CNN2: variants seen among roughly 807,000 people sequenced by gnomAD.
CNN2 encodes calponin-2.
CNN2 carries 21 observed loss-of-function variants against 31.0 expected under a neutral mutation model. That is an observed-to-expected ratio of 0.68 (90% CI 0.48 to 0.98). The LOEUF (loss-of-function observed/expected upper bound fraction) is 0.98. CNN2 is among the 50% of genes least tolerant of loss of function. The probability of loss-of-function intolerance (pLI) is 0.00; values close to 1 mark genes in which losing one functional copy is unlikely to be tolerated. For synonymous variants in CNN2, 165 were observed against 179.6 expected (o/e 0.92, Z 0.65); for missense variants, 399 against 427.3 (o/e 0.93, Z 0.58).
At position 1,026,620 on chromosome 19, in the gene CNN2, TC is replaced by T. The variant is rs2039398980; in HGVS notation, c.-39del. On this transcript the variant is annotated 5_prime_UTR_variant, in exon 1 of 7. Transcript: ENST00000263097. ...GCGCCAGCCCGGCGGTCCCGTCCCG[TC>T]CCGTCCTGTGCGGCCCCGTCCCGCC... The T allele has an allele frequency of 2.7e-6, 4 of 1,490,242 alleles. No homozygotes were observed. In the African/African-American group the frequency reaches 5.8e-5, roughly 22 times the overall value. 92.3% of individuals were successfully genotyped at this position (1,490,242 alleles called of 1,614,324 possible).
At chr19:1,035,790 C>T (rs1376613332) in intron 4 of CNN2, among the ~76,000 whole-genome samples, 1 of 152,146 alleles carries the variant, frequency 6.6e-6, no homozygotes, top group Non-Finnish European at 1.5e-5. Context: ...GGCGTGGTGG[C>T]ACACGCCTGT....
rs202076665 is a variant in CNN2, at chr19:1,036,222, T to A, written c.483T>A (p.Ala161=). 6.4e-7 allele frequency: 1 copy of A among 1,567,082 alleles called. No individual in the cohort carries two copies. Among genetic ancestry groups the A allele is most frequent in the Non-Finnish European group, 8.6e-7 (1 of 1,157,124 alleles). Residue 161 remains alanine (A), a synonymous_variant, in exon 5 of 7, where the codon GCT becomes GCA. Transcript: ENST00000263097. ...ATTTCGACGATGCCACCATGAAGGC[T>A]GGCCAGTGCGTCATCGGGCTGCAGG... ...ERNFDDATMK[A]GQCVIGLQMG...
intron 1 of CNN2, among the ~76,000 whole-genome samples, chr19:1,030,411 G>A (rs1426951283): frequency 1.3e-5 from 2 of 152,138 alleles, no homozygotes; most frequent in African/African-American, 4.8e-5. Context: ...CAGATCACGA[G>A]GTCAGGAGAT....
rs762629660 is a variant in CNN2, at chr19:1,037,397, C to G, written c.655-228C>G. ...AGGTGATCCTCCCACCTCAGCCTCC[C>G]GAGTAGCTGGGATTACAGGCATGTG... On this transcript the variant is annotated intron_variant, in intron 6 of 6. Coordinates refer to ENST00000263097, the MANE Select transcript of CNN2 (RefSeq NM_004368.4). 6.8e-4 allele frequency: 366 copies of G among 536,000 alleles called. 1 individual carries two copies. Among genetic ancestry groups the G allele is most frequent in the Non-Finnish European group, 1.1e-3 (319 of 300,268 alleles). The allele number at this position is 536,000 out of a possible 1,614,324, so 33.2% of individuals were successfully genotyped here.
intron 2 of CNN2, 78 bp downstream of exon 2, chr19:1,031,270 AT>A: frequency 2.6e-6 from 3 of 1,151,272 alleles, no homozygotes; most frequent in Non-Finnish European, 3.3e-6. Flanking sequence ...TAATTAAGAA[AT>A]TTTTGGGGGG....
chr19:1,028,380 C>T (rs376098250), intron 1 of CNN2, among the ~76,000 whole-genome samples: 1 of 152,122 alleles, frequency 6.6e-6, no homozygotes, highest in Non-Finnish European at 1.5e-5. Flanking sequence ...GGCGAGGCGT[C>T]GGCCAGCTTG....
chr19:1,038,257 C>T lies in CNN2; in HGVS notation c.*357C>T. Reference sequence around the variant, plus strand: ...CCTCTTCCCCCTTTTGTCAGCTGAGCAGTTTGTGGTTTCTATGCCCGCAAG... The same window carrying T: ...CCTCTTCCCCCTTTTGTCAGCTGAGTAGTTTGTGGTTTCTATGCCCGCAAG... On this transcript the variant is annotated 3_prime_UTR_variant, in exon 7 of 7. Transcript: ENST00000263097. 4.1e-6 allele frequency: 1 copy of T among 241,726 alleles called. No individual in the cohort carries two copies. The allele number at this position is 241,726 out of a possible 1,614,324, so 15.0% of individuals were successfully genotyped here. A position where few individuals can be genotyped will look rare whatever the true frequency, so the allele number is the denominator to read the frequency against.
At chr19:1,033,455 C>T (rs2039532356) in intron 4 of CNN2, among the ~76,000 whole-genome samples, 2 of 152,144 alleles carry the variant, frequency 1.3e-5, no homozygotes, top group Non-Finnish European at 1.5e-5. Flanking sequence ...GAGCTATGAC[C>T]ACACCACTGC....
Position 1,032,636 on chromosome 19 carries a change from C to A in CNN2, c.330C>A (p.Asp110Glu). The change falls in exon 4 of 7, where the codon GAC becomes GAA. Residue 110 changes from aspartate to glutamate, a missense_variant. Transcript: ENST00000263097. ...MNPVDLFEANDLFESGNMTQV... is the reference protein window; with the variant it reads ...MNPVDLFEANELFESGNMTQV... ...CTGTGGACCTGTTCGAGGCCAACGACCTGTTTGAGAGTGGGAACATGACGC... is the reference window on the plus strand; with the variant it reads ...CTGTGGACCTGTTCGAGGCCAACGAACTGTTTGAGAGTGGGAACATGACGC... The A allele has an allele frequency of 2.5e-6, 4 of 1,612,692 alleles. No homozygotes were observed. The highest frequency in any genetic ancestry group is 3.4e-6 in the Non-Finnish European group (4 of 1,180,028).
intron 1 of CNN2, among the ~76,000 whole-genome samples, chr19:1,030,320 G>A (rs945010930): frequency 6.6e-6 from 1 of 152,106 alleles, no homozygotes; most frequent in Non-Finnish European, 1.5e-5. Context: ...CAGCTCCTTC[G>A]GGAGTTGCTA....
intron 1 of CNN2, among the ~76,000 whole-genome samples, chr19:1,030,651 C>CT: frequency 6.6e-6 from 1 of 151,926 alleles, no homozygotes; most frequent in East Asian, 1.9e-4. Flanking sequence ...GAAAAAAGAG[C>CT]TGATGGTTGC....
Position 1,031,126 on chromosome 19 carries a change from G to A in CNN2, c.119G>A (p.Gly40Glu). The A allele has an allele frequency of 6.2e-7, 1 of 1,613,284 alleles. No individual in the cohort carries two copies. The highest frequency in any genetic ancestry group is 1.1e-5 in the South Asian group (1 of 91,080). ...GCAGAGCTCCGCACCTGGATCGAGG[G>A]ACTCACCGGCCTCTCCATCGGCCCC... ...KEAELRTWIE[G>E]LTGLSIGPDF... The change falls in exon 2 of 7, where the codon GGA becomes GAA. Residue 40 changes from glycine (G) to glutamate (E), a missense_variant. By Grantham distance (98) the Gly-to-Glu change is moderately conservative (BLOSUM62 -2). Coordinates refer to ENST00000263097, the MANE Select transcript of CNN2 (RefSeq NM_004368.4).
chr19:1,033,713 C>T (rs1215256772), intron 4 of CNN2, among the ~76,000 whole-genome samples: 1 of 103,386 alleles, frequency 9.7e-6, no homozygotes, highest in African/African-American at 3.7e-5. Flanking sequence ...AGACCGGGAG[C>T]GTGGGTGGGA....
In CNN2 at chr19:1,038,666, C is replaced by G. The variant is rs1240913981; in HGVS notation, c.*766C>G. 6.6e-6 allele frequency: 1 copy of G among 152,234 alleles called. No individual in the cohort carries two copies. The highest frequency in any genetic ancestry group is 1.5e-5 in the Non-Finnish European group (1 of 68,088). 9.4% of individuals were successfully genotyped at this position (152,234 alleles called of 1,614,324 possible). On this transcript the variant is annotated 3_prime_UTR_variant, in exon 7 of 7. Transcript: ENST00000263097. ...CTTGGCTCACTGCACCTCCACCTTC[C>G]GGGCTCAAGCGATTCTCCAGCCTCA...
At chr19:1,032,522 G>A in intron 3 of CNN2, 37 bp from the exon 4 acceptor site, 5 of 1,613,506 alleles carry the variant, frequency 3.1e-6, no homozygotes, top group Non-Finnish European at 4.2e-6. Flanking sequence ...TGGGGAGACT[G>A]AGGCCCACTC....
In CNN2 at chr19:1,032,385, C is replaced by T. The variant is rs571975436; in HGVS notation, c.186-7C>T. ...CTGTTTCCCCCGCCCCATGTTGTGC[C>T]CTCCAGACTCATGAACAAGCTACAG... On this transcript the variant is annotated splice_region_variant and splice_polypyrimidine_tract_variant and intron_variant, in intron 2 of 6. Coordinates refer to ENST00000263097, the MANE Select transcript of CNN2 (RefSeq NM_004368.4). The T allele has an allele frequency of 1.1e-5, 17 of 1,613,472 alleles. No individual in the cohort carries two copies. Among genetic ancestry groups the T allele is most frequent in the African/African-American group, 2.7e-5 (2 of 75,030 alleles).
chr19:1,028,096 G>A (rs1000162724), intron 1 of CNN2, among the ~76,000 whole-genome samples: 7 of 152,248 alleles, frequency 4.6e-5, no homozygotes, highest in African/African-American at 1.7e-4. Context: ...GCATACAGCC[G>A]GCTAAGGGCA....
Position 1,036,529 on chromosome 19 carries a change from C to T in CNN2, c.621C>T (p.Ser207=). The T allele has an allele frequency of 6.2e-7, 1 of 1,613,674 alleles. No homozygotes were observed. The highest frequency in any genetic ancestry group is 8.5e-7 in the Non-Finnish European group (1 of 1,179,726). Residue 207 remains serine (S), a synonymous_variant, in exon 6 of 7, where the codon AGC becomes AGT. Coordinates refer to ENST00000263097, the MANE Select transcript of CNN2 (RefSeq NM_004368.4). ...ILPPMDHSTI[S]LQMGTNKCAS... is the part of the protein sequence containing the mutation. Reference sequence around the variant, plus strand: ...CCCCCATGGACCACTCGACCATCAGCCTCCAGATGGGCACGAACAAGTGTG... The same window carrying T: ...CCCCCATGGACCACTCGACCATCAGTCTCCAGATGGGCACGAACAAGTGTG...
At chr19:1,033,604 G>C (rs1013105312) in intron 4 of CNN2, among the ~76,000 whole-genome samples, 2 of 152,172 alleles carry the variant, frequency 1.3e-5, no homozygotes, top group South Asian at 4.1e-4. Flanking sequence ...TTCAAACCCA[G>C]ACCGGGAGCG....
Sources: gnomAD v4.1 joint callset for allele counts (sites outside exome capture counted in the v4.1 genomes callset) on GRCh38, gnomAD v4.1.1 for gene constraint, MANE v1.5 for transcripts, NCBI Gene and HGNC (gene_info 2026-07-23, HGNC 2026-07-21) for gene names.